RCBTB2: variants seen among roughly 807,000 people sequenced by gnomAD.
The protein encoded by RCBTB2 is RCC1 and BTB domain-containing protein 2.
RCBTB2 carries 55 observed loss-of-function variants against 65.4 expected under a neutral mutation model. The observed-to-expected ratio is 0.84, with a 90% CI of 0.68 to 1.05. The LOEUF (loss-of-function observed/expected upper bound fraction) is 1.05. Ranked by LOEUF, RCBTB2 falls within the 50% of genes least tolerant of loss-of-function variation. The pLI, the probability that RCBTB2 is intolerant of heterozygous loss-of-function variation, is 0.00. For synonymous variants in RCBTB2, 220 were observed against 255.2 expected, an observed-to-expected ratio of 0.86 and a Z score of 1.31; for missense variants, 599 against 680.1, an observed-to-expected ratio of 0.88 and a Z score of 1.33.
At chr13:48,516,513 A>G (rs1951098349) in intron 4 of RCBTB2, among the ~76,000 whole-genome samples, 1 of 152,092 alleles carries the variant, frequency 6.6e-6, no homozygotes, top group African/African-American at 2.4e-5. Context: ...TCTTCTCCCT[A>G]TGTCTGTTCA....
intron 14 of RCBTB2, chr13:48,492,508 C>T (rs1170655559): frequency 6.6e-6 from 1 of 152,194 alleles, no homozygotes; most frequent in Admixed American, 6.5e-5. Flanking sequence ...GCCTCTATTC[C>T]CCATCTTCAG....
chr13:48,493,728 A>G (rs1222195633), intron 14 of RCBTB2, among the ~76,000 whole-genome samples: 1 of 151,964 alleles, frequency 6.6e-6, no homozygotes, highest in African/African-American at 2.4e-5. Context: ...TTCAACTTTC[A>G]TCTCAGGATG....
At chr13:48,524,128 A>G (rs559586363) in intron 2 of RCBTB2, among the ~76,000 whole-genome samples, 2 of 151,754 alleles carry the variant, frequency 1.3e-5, no homozygotes, top group Non-Finnish European at 2.9e-5. Flanking sequence ...TTTTTACATT[A>G]TTTCAATGTG....
intron 4 of RCBTB2, among the ~76,000 whole-genome samples, chr13:48,516,560 T>C (rs937541264): frequency 1.3e-5 from 2 of 152,196 alleles, no homozygotes; most frequent in East Asian, 3.8e-4. Flanking sequence ...TCTCTGCATC[T>C]AAATTTCCCC....
At chr13:48,514,473 G>A (rs1003422900) in intron 6 of RCBTB2, among the ~76,000 whole-genome samples, 2 of 152,166 alleles carry the variant, frequency 1.3e-5, no homozygotes, top group African/African-American at 4.8e-5. Context: ...CAAGGATAAC[G>A]GGAGACTACT....
chr13:48,508,400 ACATT>A (rs746907551), intron 10 of RCBTB2, among the ~76,000 whole-genome samples: 3 of 151,656 alleles, frequency 2.0e-5, no homozygotes, highest in Non-Finnish European at 2.9e-5. Flanking sequence ...CTCATTTAAA[ACATT>A]CATCCATGTT....
At chr13:48,490,337 G>T in intron 14 of RCBTB2, 86 bp from the exon 15 acceptor site, 4 of 1,225,492 alleles carry the variant, frequency 3.3e-6, no homozygotes, top group Non-Finnish European at 4.7e-6. Context: ...AACAAGTTAG[G>T]CAAAGAAAAA....
intron 5 of RCBTB2, 72 bp downstream of exon 5, chr13:48,515,514 C>A: frequency 7.1e-7 from 1 of 1,415,716 alleles, no homozygotes; most frequent in Non-Finnish European, 9.6e-7. Context: ...TTCCTTAGTT[C>A]CCCCAAGATC....
At chr13:48,491,399 T>G (rs1423124231) in intron 14 of RCBTB2, among the ~76,000 whole-genome samples, 1 of 152,208 alleles carries the variant, frequency 6.6e-6, no homozygotes, top group Admixed American at 6.5e-5. Flanking sequence ...CAATATGATG[T>G]GTCTCTGTCC....
intron 13 of RCBTB2, 66 bp downstream of exon 13, chr13:48,499,555 T>C (rs1950139114): frequency 3.3e-6 from 5 of 1,538,136 alleles, no homozygotes; most frequent in Non-Finnish European, 4.5e-6. Flanking sequence ...TCTTTTAGGT[T>C]CTATAGAAAC....
intron 3 of RCBTB2, 58 bp from the exon 4 acceptor site, chr13:48,522,020 G>T: frequency 7.0e-7 from 1 of 1,433,520 alleles, no homozygotes; most frequent in Non-Finnish European, 9.7e-7. Flanking sequence ...AACCAGGCAG[G>T]TTAAAATTAC....
chr13:48,503,518 T>C (rs146922249), intron 10 of RCBTB2, among the ~76,000 whole-genome samples: 196 of 151,854 alleles, frequency 1.3e-3, no homozygotes, highest in African/African-American at 4.6e-3. Flanking sequence ...AAGTTCACGA[T>C]TGATGAGGAG....
Position 48,510,631 on chromosome 13 carries a change from G to C in RCBTB2, c.924C>G (p.Asp308Glu). 1 of 1,613,986 alleles carries C rather than the reference G, an allele frequency of 6.2e-7. No individual in the cohort carries two copies. The highest frequency in any genetic ancestry group is 8.5e-7 in the Non-Finnish European group (1 of 1,179,928). ...GACTGTGAAAATGCCCGTGTTACCT[G>C]TCCTTTTCCACAGTGACAGGAGTAG... ...SYPTPVTVEK[D>E]RIIEIAACHS... Residue 308 changes from aspartate (D) to glutamate (E), a missense_variant and splice_region_variant, in exon 10 of 15, where the codon GAC (aspartate) becomes GAG (glutamate). Physicochemically the swap from Asp to Glu is conservative, Grantham distance 45 (BLOSUM62 2). Transcript: ENST00000344532.
chr13:48,489,949 G>A lies in RCBTB2; in HGVS notation c.*162C>T. ...TCAATGCTTTCTACATAAACTCTGG[G>A]TTTAGGCAGACAAAGACCACTCACC... On this transcript the variant is annotated 3_prime_UTR_variant, in exon 15 of 15. Transcript: ENST00000344532. The A allele has an allele frequency of 2.7e-6, 2 of 746,950 alleles. No individual in the cohort carries two copies. Among genetic ancestry groups the A allele is most frequent in the South Asian group, 1.6e-5 (1 of 61,254 alleles). 46.3% of individuals were successfully genotyped at this position (746,950 alleles called of 1,614,324 possible).
intron 14 of RCBTB2, among the ~76,000 whole-genome samples, chr13:48,493,315 A>ACCCTCTCTCT (rs759504798): frequency 4.0e-5 from 3 of 75,028 alleles, no homozygotes; most frequent in South Asian, 5.8e-4. Context: ...ACACACACAC[A>ACCCTCTCTCT]CTCTCTCTCT....
At chr13:48,508,859 T>C (rs996683158) in intron 10 of RCBTB2, among the ~76,000 whole-genome samples, 4 of 152,228 alleles carry the variant, frequency 2.6e-5, no homozygotes, top group Non-Finnish European at 5.9e-5. Flanking sequence ...TCTCCCACCT[T>C]GACGCCCCAC....
chr13:48,516,519 G>A (rs1593742397), intron 4 of RCBTB2, among the ~76,000 whole-genome samples: 1 of 152,070 alleles, frequency 6.6e-6, no homozygotes, highest in African/African-American at 2.4e-5. Context: ...CCCTATGTCT[G>A]TTCACATCAT....
intron 7 of RCBTB2, 144 bp downstream of exon 7, chr13:48,512,585 C>G (rs1228716711): frequency 2.8e-6 from 2 of 701,868 alleles, no homozygotes; most frequent in Non-Finnish European, 2.3e-6. Flanking sequence ...CATCAACACC[C>G]TGACTGTGAA....
chr13:48,523,673 AG>A (rs1951547250), intron 2 of RCBTB2, among the ~76,000 whole-genome samples: 1 of 152,190 alleles, frequency 6.6e-6, no homozygotes, highest in African/African-American at 2.4e-5. Flanking sequence ...AGAAAAAAGA[AG>A]GGACCAAGTA....
Sources: allele counts gnomAD v4.1 joint callset (sites outside exome capture counted in the v4.1 genomes callset), GRCh38; gene constraint gnomAD v4.1.1; transcripts MANE v1.5; gene names NCBI Gene and HGNC (gene_info 2026-07-23, HGNC 2026-07-21).